Variants in FSTL5 observed in about 807,000 individuals in gnomAD.
FSTL5 encodes follistatin-related protein 5.
Under a neutral mutation model 89.1 loss-of-function variants are expected in FSTL5, and 62 were observed. The observed-to-expected ratio is 0.70, with a 90% CI of 0.57 to 0.86. FSTL5 has a LOEUF of 0.86. FSTL5 is among the 40% of genes least tolerant of loss of function. The probability of loss-of-function intolerance (pLI) is 0.00; values close to 1 mark genes in which losing one functional copy is unlikely to be tolerated. For missense variants in FSTL5, 1,057 were observed against 1,001.6 expected (o/e 1.06, Z -0.75); for synonymous variants, 383 against 346.2 (o/e 1.11, Z -1.18).
chr4:161,931,786 A>C (rs1734291782), intron 3 of FSTL5, among the ~76,000 whole-genome samples: 2 of 151,926 alleles, frequency 1.3e-5, no homozygotes, highest in Non-Finnish European at 2.9e-5. Flanking sequence ...TCTTTGCAGT[A>C]GGTGGTAAGT....
chr4:161,843,163 C>T (rs1280851417), intron 4 of FSTL5, among the ~76,000 whole-genome samples: 1 of 152,124 alleles, frequency 6.6e-6, no homozygotes, highest in African/African-American at 2.4e-5. Flanking sequence ...TACTTATTCT[C>T]CTTGTCACAG....
intron 14 of FSTL5, among the ~76,000 whole-genome samples, chr4:161,456,577 T>G (rs918269283): frequency 3.3e-5 from 5 of 152,214 alleles, no homozygotes; most frequent in Non-Finnish European, 5.9e-5. Context: ...TGGGAAACAC[T>G]ATAGCCACAA....
At chr4:161,816,778 C>G in intron 4 of FSTL5, among the ~76,000 whole-genome samples, 1 of 152,174 alleles carries the variant, frequency 6.6e-6, no homozygotes, top group East Asian at 1.9e-4. Flanking sequence ...AGGGCAATAA[C>G]TGGTCTCCAG....
intron 13 of FSTL5, among the ~76,000 whole-genome samples, chr4:161,466,174 G>C (rs753012615): frequency 1.4e-4 from 21 of 152,100 alleles, no homozygotes; most frequent in Non-Finnish European, 2.6e-4. Context: ...AAACATTGTT[G>C]AAGGATACTC....
chr4:161,690,829 AGT>A (rs1478601854), intron 6 of FSTL5, among the ~76,000 whole-genome samples: 7 of 152,132 alleles, frequency 4.6e-5, no homozygotes, highest in Admixed American at 3.9e-4. Flanking sequence ...GAAAAGCCCC[AGT>A]GTGTGTTATT....
chr4:162,114,424 A>G (rs970079198), intron 1 of FSTL5, among the ~76,000 whole-genome samples: 1 of 152,068 alleles, frequency 6.6e-6, no homozygotes, highest in African/African-American at 2.4e-5. Flanking sequence ...ACTGAGTACA[A>G]GTGAGGTCAG....
intron 2 of FSTL5, among the ~76,000 whole-genome samples, chr4:162,038,614 G>A (rs1737829630): frequency 6.6e-6 from 1 of 151,808 alleles, no homozygotes; most frequent in Non-Finnish European, 1.5e-5. Context: ...TAACTGGGCT[G>A]AATGTGACCA....
At chr4:161,481,291 A>G (rs1006086995) in intron 12 of FSTL5, 122 bp from the exon 13 acceptor site, 1 of 540,222 alleles carries the variant, frequency 1.9e-6, no homozygotes, top group African/African-American at 2.0e-5. Flanking sequence ...TTAAATATAT[A>G]TATATAAAGT....
chr4:161,481,351 G>A (rs1729500806), intron 12 of FSTL5, among the ~76,000 whole-genome samples, 182 bp from the exon 13 acceptor site: 2 of 152,048 alleles, frequency 1.3e-5, no homozygotes, highest in Non-Finnish European at 2.9e-5. Context: ...AGAAAGCAAT[G>A]TAAATGAGAT....
chr4:161,969,092 G>A (rs1735409373), intron 3 of FSTL5, among the ~76,000 whole-genome samples: 1 of 152,012 alleles, frequency 6.6e-6, no homozygotes, highest in Non-Finnish European at 1.5e-5. Flanking sequence ...CCACTGTACA[G>A]GTTGGAGGGG....
chr4:162,038,806 G>A (rs1281317716), intron 2 of FSTL5, among the ~76,000 whole-genome samples: 1 of 151,810 alleles, frequency 6.6e-6, no homozygotes, highest in East Asian at 1.9e-4. Context: ...TCACTGAGAA[G>A]CAAATGCTCT....
chr4:161,689,522 A>T (rs1737859273), intron 6 of FSTL5, among the ~76,000 whole-genome samples: 1 of 152,292 alleles, frequency 6.6e-6, no homozygotes, highest in African/African-American at 2.4e-5. Flanking sequence ...AATGCATTTT[A>T]AATTTAATCT....
In FSTL5 at chr4:161,962,047, A is replaced by G. The variant is rs1027542236; in HGVS notation, c.161-41395T>C. Among the ~76,000 whole-genome samples, 17 of 152,076 alleles carry G rather than the reference A, an allele frequency of 1.1e-4. No homozygotes were observed. In the East Asian group the frequency reaches 2.1e-3, roughly 19 times the overall value. On this transcript the variant is annotated intron_variant, in intron 3 of 15. Coordinates refer to ENST00000306100, the MANE Select transcript of FSTL5 (RefSeq NM_020116.5). ...CTATATTAATATCACATAATGTTGT[A>G]TAACTATTATAATTTGTTAAAAATA...
chr4:162,113,494 C>T (rs1404486048), intron 1 of FSTL5, among the ~76,000 whole-genome samples: 1 of 152,086 alleles, frequency 6.6e-6, no homozygotes, highest in East Asian at 1.9e-4. Context: ...CACACAAGAG[C>T]CTGAGTGATC....
At chr4:161,535,845 A>G (rs1413868627) in intron 10 of FSTL5, among the ~76,000 whole-genome samples, 9 of 152,118 alleles carry the variant, frequency 5.9e-5, no homozygotes, top group Non-Finnish European at 1.3e-4. Context: ...CTAGGTGCCT[A>G]TCAATGGTGG....
At chr4:161,833,784 G>A (rs1472859392) in intron 4 of FSTL5, among the ~76,000 whole-genome samples, 1 of 151,378 alleles carries the variant, frequency 6.6e-6, no homozygotes, top group Non-Finnish European at 1.5e-5. Flanking sequence ...TCTCTGCATG[G>A]GAGATGGGTT....
chr4:161,948,543 G>C (rs1170034408), intron 3 of FSTL5, among the ~76,000 whole-genome samples: 1 of 131,296 alleles, frequency 7.6e-6, no homozygotes, highest in African/African-American at 2.9e-5. Flanking sequence ...CTGGAATGCA[G>C]TTCAAGCCGT....
At chr4:161,625,676 A>G (rs139505428) in intron 7 of FSTL5, among the ~76,000 whole-genome samples, 4 of 152,100 alleles carry the variant, frequency 2.6e-5, no homozygotes, top group African/African-American at 9.7e-5. Flanking sequence ...TTAAATCAAA[A>G]ACTAGAAATG....
At chr4:162,105,560 G>A (rs1731194585) in intron 2 of FSTL5, among the ~76,000 whole-genome samples, 1 of 151,818 alleles carries the variant, frequency 6.6e-6, no homozygotes, top group South Asian at 2.1e-4. Flanking sequence ...GTAGGATGGT[G>A]TCAGTTAATA....
Sources: allele counts gnomAD v4.1 joint callset (sites outside exome capture counted in the v4.1 genomes callset), GRCh38; gene constraint gnomAD v4.1.1; transcripts MANE v1.5; gene names NCBI Gene and HGNC (gene_info 2026-07-23, HGNC 2026-07-21).